Variants in FRMD4A observed in about 807,000 individuals in gnomAD.
FRMD4A encodes the protein FERM domain containing 4A.
FRMD4A carries 29 observed loss-of-function variants against 129.1 expected under a neutral mutation model. That is an observed-to-expected ratio of 0.22 (90% CI 0.17 to 0.31). The LOEUF (loss-of-function observed/expected upper bound fraction) is 0.31, where lower values mean the gene tolerates loss of function less well. Among genes scored for constraint, FRMD4A ranks in the 10% least tolerant of loss-of-function variants. The probability of loss-of-function intolerance (pLI) is 1.00; values close to 1 mark genes in which losing one functional copy is unlikely to be tolerated. For missense variants in FRMD4A, 1,272 were observed against 1,375.8 expected, an observed-to-expected ratio of 0.92 and a Z score of 1.19; for synonymous variants, 634 against 571.6, an observed-to-expected ratio of 1.11 and a Z score of -1.56.
At chr10:14,151,420 T>G (rs375240559) in intron 2 of FRMD4A, among the ~76,000 whole-genome samples, 1 of 152,184 alleles carries the variant, frequency 6.6e-6, no homozygotes, top group Non-Finnish European at 1.5e-5. Flanking sequence ...CAAAAGCATG[T>G]TCTCACTTTT....
intron 2 of FRMD4A, among the ~76,000 whole-genome samples, chr10:13,957,371 A>G (rs2095416012): frequency 6.6e-6 from 1 of 152,146 alleles, no homozygotes; most frequent in African/African-American, 2.4e-5. Context: ...CTCTTGCCTC[A>G]GCCTCCCGTC....
Position 14,021,336 on chromosome 10 carries a change from A to G in FRMD4A, c.46-162424T>C, listed in dbSNP as rs1268504498. Among the ~76,000 whole-genome samples the G allele has an allele frequency of 1.3e-5, 2 of 151,964 alleles. 1 individual carries two copies. Among genetic ancestry groups the G allele is most frequent in the African/African-American group, 4.8e-5 (2 of 41,374 alleles). On this transcript the variant is annotated intron_variant, in intron 2 of 24. Transcript: ENST00000357447. Reference sequence around the variant, plus strand: ...GCAAAATGTTTGCTTGAACCCAGACATTCAAGACAAGCCTGGGCAATATAA... The same window carrying G: ...GCAAAATGTTTGCTTGAACCCAGACGTTCAAGACAAGCCTGGGCAATATAA...
At chr10:13,765,535 G>A (rs994593231) in intron 6 of FRMD4A, among the ~76,000 whole-genome samples, 4 of 152,068 alleles carry the variant, frequency 2.6e-5, no homozygotes, top group Non-Finnish European at 5.9e-5. Flanking sequence ...GGCTCCTTTG[G>A]GCCTGGGAAT....
chr10:13,684,069 A>G (rs1466172728), intron 15 of FRMD4A: 2 of 152,200 alleles, frequency 1.3e-5, no homozygotes, highest in Admixed American at 6.6e-5. Context: ...TATTGTCAGG[A>G]AAACAGTGTC....
At chr10:14,085,390 T>G (rs780373606) in intron 2 of FRMD4A, among the ~76,000 whole-genome samples, 1 of 152,226 alleles carries the variant, frequency 6.6e-6, no homozygotes, top group African/African-American at 2.4e-5. Context: ...CAGCAGGACG[T>G]TGGCTTTCAG....
intron 2 of FRMD4A, among the ~76,000 whole-genome samples, chr10:13,921,784 T>A (rs2797864): frequency 0.92 from 139,337 of 152,278 alleles, 63,846 homozygotes; most frequent in South Asian, 0.94. Context: ...CCAGACAGTG[T>A]GGTTCCAGTG....
chr10:14,094,290 G>A (rs898355099), intron 2 of FRMD4A, among the ~76,000 whole-genome samples: 9 of 152,214 alleles, frequency 5.9e-5, no homozygotes, highest in African/African-American at 1.7e-4. Flanking sequence ...GAAAGGGTGC[G>A]TGGAATGATG....
intron 2 of FRMD4A, among the ~76,000 whole-genome samples, chr10:14,098,528 C>T (rs976226144): frequency 6.6e-5 from 10 of 152,198 alleles, no homozygotes; most frequent in African/African-American, 1.4e-4. Context: ...CTCAGCCTCC[C>T]GAGTAGCTGG....
At chr10:14,026,119 T>C (rs138848015) in intron 2 of FRMD4A, among the ~76,000 whole-genome samples, 9 of 152,278 alleles carry the variant, frequency 5.9e-5, no homozygotes, top group Admixed American at 3.9e-4. Context: ...ACAGCCAACA[T>C]TGATGTCAAA....
At chr10:14,057,730 C>A (rs1411152651) in intron 2 of FRMD4A, among the ~76,000 whole-genome samples, 1 of 152,098 alleles carries the variant, frequency 6.6e-6, no homozygotes, top group Non-Finnish European at 1.5e-5. Flanking sequence ...GCCACCCTGC[C>A]CGGCTAATTT....
At chr10:14,260,928 T>C (rs1278679633) in intron 2 of FRMD4A, among the ~76,000 whole-genome samples, 4 of 152,214 alleles carry the variant, frequency 2.6e-5, no homozygotes, top group Non-Finnish European at 4.4e-5. Flanking sequence ...ACTAACTCCA[T>C]TGGGCACATT....
intron 2 of FRMD4A, among the ~76,000 whole-genome samples, chr10:13,904,334 C>G (rs1206369968): frequency 1.3e-5 from 2 of 152,210 alleles, no homozygotes; most frequent in Admixed American, 6.5e-5. Flanking sequence ...CTCCCGTCCT[C>G]CCTGACACCT....
At chr10:13,872,206 C>T (rs566736934) in intron 2 of FRMD4A, among the ~76,000 whole-genome samples, 50 of 152,350 alleles carry the variant, frequency 3.3e-4, no homozygotes, top group African/African-American at 1.2e-3. Context: ...AGGTCTCTGT[C>T]CCCTCATGCC....
chr10:14,215,465 C>A (rs1490212143), intron 2 of FRMD4A, among the ~76,000 whole-genome samples: 2 of 152,148 alleles, frequency 1.3e-5, no homozygotes, highest in Non-Finnish European at 2.9e-5. Context: ...CCAAATCATT[C>A]AAGAATGGCT....
intron 2 of FRMD4A, among the ~76,000 whole-genome samples, chr10:14,042,008 A>G (rs1162164270): frequency 6.6e-6 from 1 of 152,194 alleles, no homozygotes; most frequent in Non-Finnish European, 1.5e-5. Flanking sequence ...ACTTTGTGAA[A>G]AGTAAAGTAG....
At position 13,646,700 on chromosome 10, in the gene FRMD4A, T is replaced by C. The variant is rs1428275612; in HGVS notation, c.*338A>G. On this transcript the variant is annotated 3_prime_UTR_variant, in exon 25 of 25. Coordinates refer to ENST00000357447, the MANE Select transcript of FRMD4A (RefSeq NM_018027.5). ...GAAGCCACCAAGGTGCCATTGAGGA[T>C]TGGTGTCTGGCTCTCTATGGGCAAG... 1 of 152,744 alleles carries C rather than the reference T, an allele frequency of 6.5e-6. No homozygotes were observed. Among genetic ancestry groups the C allele is most frequent in the African/African-American group, 2.4e-5 (1 of 41,444 alleles). 9.5% of individuals were successfully genotyped at this position (152,744 alleles called of 1,614,324 possible).
At chr10:14,072,221 C>T (rs747549485) in intron 2 of FRMD4A, among the ~76,000 whole-genome samples, 5 of 152,066 alleles carry the variant, frequency 3.3e-5, no homozygotes, top group Admixed American at 6.6e-5. Flanking sequence ...TATGAAGACA[C>T]GAGGCAATTT....
chr10:13,660,026 C>G (rs373729446), intron 20 of FRMD4A, among the ~76,000 whole-genome samples: 20 of 152,324 alleles, frequency 1.3e-4, no homozygotes, highest in African/African-American at 4.8e-4. Context: ...TTCAGAATAG[C>G]GCTGCCTGAG....
intron 2 of FRMD4A, among the ~76,000 whole-genome samples, chr10:14,156,297 C>T (rs972637644): frequency 1.3e-5 from 2 of 152,050 alleles, no homozygotes; most frequent in South Asian, 4.2e-4. Context: ...TACACACCCA[C>T]GATGAATTAA....
Sources: allele counts gnomAD v4.1 joint callset (sites outside exome capture counted in the v4.1 genomes callset), GRCh38; gene constraint gnomAD v4.1.1; transcripts MANE v1.5; gene names NCBI Gene and HGNC (gene_info 2026-07-23, HGNC 2026-07-21).